The following NELL1 variants were observed in gnomAD, a reference collection of about 807,000 sequenced individuals.
The protein encoded by NELL1 is neural EGFL like 1.
A neutral mutation model predicts 107.4 loss-of-function variants in NELL1; 76 were observed. The ratio of observed to expected loss-of-function variants is 0.71; its 90% CI spans 0.59 to 0.86. The LOEUF is 0.86. NELL1 is among the 40% of genes least tolerant of loss of function. The probability of loss-of-function intolerance (pLI) is 0.00; values close to 1 mark genes in which losing one functional copy is unlikely to be tolerated. For synonymous variants in NELL1, 353 were observed against 341.2 expected, an observed-to-expected ratio of 1.03 and a Z score of -0.38; for missense variants, 1,024 against 1,005.5, an observed-to-expected ratio of 1.02 and a Z score of -0.25.
At chr11:20,694,531 C>G (rs931723839) in intron 2 of NELL1, among the ~76,000 whole-genome samples, 1 of 151,916 alleles carries the variant, frequency 6.6e-6, no homozygotes, top group African/African-American at 2.4e-5. Flanking sequence ...GGGTCCTTTC[C>G]CCATCACTTA....
chr11:21,208,488 T>C (rs1325381503), intron 13 of NELL1, among the ~76,000 whole-genome samples: 1 of 151,588 alleles, frequency 6.6e-6, no homozygotes, highest in Non-Finnish European at 1.5e-5. Flanking sequence ...AAGCACTTGA[T>C]TGAATTACTA....
At chr11:21,431,507 A>G (rs1371451308) in intron 15 of NELL1, among the ~76,000 whole-genome samples, 1 of 152,234 alleles carries the variant, frequency 6.6e-6, no homozygotes, top group Non-Finnish European at 1.5e-5. Context: ...TATGAATAGA[A>G]GACACTCAAA....
At chr11:21,203,225 A>G (rs1054420819) in intron 13 of NELL1, among the ~76,000 whole-genome samples, 5 of 152,130 alleles carry the variant, frequency 3.3e-5, no homozygotes, top group African/African-American at 1.2e-4. Context: ...GTGAGGTGTT[A>G]AAGTCTCCCA....
intron 15 of NELL1, among the ~76,000 whole-genome samples, chr11:21,420,151 T>A (rs1852626392): frequency 6.6e-6 from 1 of 152,108 alleles, no homozygotes; most frequent in Non-Finnish European, 1.5e-5. Context: ...TGCATGCTAT[T>A]GAAAATGTAG....
intron 12 of NELL1, among the ~76,000 whole-genome samples, chr11:21,044,771 A>G (rs1853316443): frequency 6.6e-6 from 1 of 152,122 alleles, no homozygotes; most frequent in Admixed American, 6.6e-5. Flanking sequence ...GTGTTTCTAT[A>G]TTAGACAGTG....
intron 12 of NELL1, 66 bp from the exon 13 acceptor site, chr11:21,113,523 C>A: frequency 2.0e-6 from 3 of 1,477,716 alleles, no homozygotes; most frequent in Non-Finnish European, 2.8e-6. Context: ...AATTTATCTG[C>A]AAAATGATTA....
chr11:21,023,764 C>G (rs1044211650), intron 12 of NELL1, among the ~76,000 whole-genome samples: 2 of 152,070 alleles, frequency 1.3e-5, no homozygotes, highest in Admixed American at 6.6e-5. Flanking sequence ...CTCCAGCCCC[C>G]ACCTGCATGT....
chr11:21,536,719 CT>C (rs139627078), intron 16 of NELL1, among the ~76,000 whole-genome samples: 5,200 of 152,212 alleles, frequency 0.034, 290 homozygotes, highest in African/African-American at 0.12. Context: ...AAGACACTCA[CT>C]CTCAGAAAGG....
intron 4 of NELL1, among the ~76,000 whole-genome samples, chr11:20,859,304 T>C (rs1299824405): frequency 3.9e-5 from 6 of 152,224 alleles, no homozygotes; most frequent in Non-Finnish European, 8.8e-5. Flanking sequence ...AGTTGGTCTT[T>C]AGATGCTAGA....
At chr11:21,148,035 C>A (rs1856025909) in intron 13 of NELL1, among the ~76,000 whole-genome samples, 1 of 152,074 alleles carries the variant, frequency 6.6e-6, no homozygotes, top group Non-Finnish European at 1.5e-5. Flanking sequence ...CTCCCTGGGG[C>A]AGGCCAGCTA....
At position 21,066,969 on chromosome 11, in the gene NELL1, G is replaced by GTAAATAAATAAATAAA. The variant is rs10542680; in HGVS notation, c.1301-46605_1301-46590dup. On this transcript the variant is annotated intron_variant, in intron 12 of 19. Transcript: ENST00000357134. ...ACTCCATTGCAAAAAAATTTAAAAAGTAAATAAATAAATAAATAAATAAAT... is the reference window on the plus strand; with the variant it reads ...ACTCCATTGCAAAAAAATTTAAAAAGTAAATAAATAAATAAATAAATAAATAAATAAATAAATAAAT... 4.0e-3 allele frequency among the ~76,000 whole-genome samples: 597 copies of GTAAATAAATAAATAAA among 148,520 alleles called. 1 individual carries two copies. Among genetic ancestry groups the GTAAATAAATAAATAAA allele is most frequent in the African/African-American group, 8.3e-3 (335 of 40,356 alleles).
rs1214778694 is a variant in NELL1, at chr11:21,042,002, T to C, written c.1301-71587T>C. On this transcript the variant is annotated intron_variant, in intron 12 of 19. Transcript: ENST00000357134. Reference sequence around the variant, plus strand: ...TGGTGATTCATGTTTCTCTTCTTGCTATATTTGAACCATCGCTAAGTCTTC... The same window carrying C: ...TGGTGATTCATGTTTCTCTTCTTGCCATATTTGAACCATCGCTAAGTCTTC... Among the ~76,000 whole-genome samples the C allele has an allele frequency of 3.3e-5, 5 of 152,358 alleles. No individual in the cohort carries two copies. In the East Asian group the frequency reaches 9.6e-4, roughly 29 times the overall value.
chr11:20,759,201 C>T (rs1471911605), intron 2 of NELL1, among the ~76,000 whole-genome samples: 4 of 152,186 alleles, frequency 2.6e-5, no homozygotes, highest in Non-Finnish European at 2.9e-5. Flanking sequence ...CTTACATTAA[C>T]CTGCCTCCCT....
intron 15 of NELL1, among the ~76,000 whole-genome samples, chr11:21,425,469 C>T (rs1168633427): frequency 6.6e-6 from 1 of 152,038 alleles, no homozygotes; most frequent in Non-Finnish European, 1.5e-5. Context: ...CAGGGTGGAC[C>T]TAATGTAATT....
chr11:21,057,136 A>G (rs1432528574), intron 12 of NELL1, among the ~76,000 whole-genome samples: 2 of 152,160 alleles, frequency 1.3e-5, no homozygotes, highest in Non-Finnish European at 1.5e-5. Context: ...TCAATAAGAA[A>G]AAAGGTAAAC....
chr11:21,355,142 T>C (rs1029719639), intron 14 of NELL1, among the ~76,000 whole-genome samples: 1 of 152,198 alleles, frequency 6.6e-6, no homozygotes, highest in African/African-American at 2.4e-5. Context: ...AACATCATCT[T>C]TTATTCTATT....
intron 15 of NELL1, among the ~76,000 whole-genome samples, chr11:21,376,431 C>T (rs1334318583): frequency 6.6e-6 from 1 of 152,016 alleles, no homozygotes; most frequent in African/African-American, 2.4e-5. Context: ...AAGTACCATG[C>T]TGTTTTGGTT....
chr11:21,501,495 A>C (rs1855140790), intron 15 of NELL1, among the ~76,000 whole-genome samples: 1 of 151,610 alleles, frequency 6.6e-6, no homozygotes, highest in Non-Finnish European at 1.5e-5. Context: ...ATTCCATCTC[A>C]TCTGCATGTC....
At chr11:20,935,142 C>G (rs10741860) in intron 9 of NELL1, among the ~76,000 whole-genome samples, 95,051 of 151,988 alleles carry the variant, frequency 0.63, 31,413 homozygotes, top group Admixed American at 0.76. Context: ...AGACATTTTC[C>G]CTACCCTCAT....
Sources: allele counts gnomAD v4.1 joint callset (sites outside exome capture counted in the v4.1 genomes callset), GRCh38; gene constraint gnomAD v4.1.1; transcripts MANE v1.5; gene names NCBI Gene and HGNC (gene_info 2026-07-23, HGNC 2026-07-21).